LIMS1: variants seen among roughly 807,000 people sequenced by gnomAD.
The protein encoded by LIMS1 is LIM and senescent cell antigen-like-containing domain protein 1.
Under a neutral mutation model 44.1 loss-of-function variants are expected in LIMS1, and 18 were observed. The ratio of observed to expected loss-of-function variants is 0.41; its 90% CI spans 0.28 to 0.61. LIMS1 has a LOEUF of 0.61. LIMS1 is among the 20% of genes least tolerant of loss of function. LIMS1 has a pLI of 0.32. For missense variants in LIMS1, 201 were observed against 422.0 expected, an observed-to-expected ratio of 0.48 and a Z score of 4.59; for synonymous variants, 93 against 149.1, an observed-to-expected ratio of 0.62 and a Z score of 2.74.
chr2:108,656,317 C>CGA (rs1558831210), intron 1 of LIMS1, among the ~76,000 whole-genome samples: 3,729 of 139,836 alleles, frequency 0.027, 66 homozygotes, highest in African/African-American at 0.047. Context: ...ATCTATCTAT[C>CGA]TATAGATAGA....
At position 108,534,599 on chromosome 2, in the gene LIMS1, G is replaced by T. The variant is rs1366764523; in HGVS notation, c.32+5G>T. 22 of 1,139,984 alleles carry T rather than the reference G, an allele frequency of 1.9e-5. No homozygotes were observed. Among genetic ancestry groups the T allele is most frequent in the Non-Finnish European group, 2.4e-5 (22 of 923,408 alleles). 70.6% of individuals were successfully genotyped at this position (1,139,984 alleles called of 1,614,324 possible). A position where few individuals can be genotyped will look rare whatever the true frequency, so the allele number is the denominator to read the frequency against. On this transcript the variant is annotated splice_donor_5th_base_variant and intron_variant, in intron 1 of 9. Transcript: ENST00000544547. ...GGCGGCCGGGATGACCCACAGGTAC[G>T]GGCCGCACCGCGCGGCCCCCGCCAC...
intron 1 of LIMS1, among the ~76,000 whole-genome samples, chr2:108,623,791 G>T (rs1688401134): frequency 6.6e-6 from 1 of 152,158 alleles, no homozygotes; most frequent in African/African-American, 2.4e-5. Context: ...TCTTACGTTT[G>T]TGGACTCTTA....
intron 1 of LIMS1, among the ~76,000 whole-genome samples, chr2:108,622,298 A>G (rs1052205986): frequency 6.6e-6 from 1 of 152,200 alleles, no homozygotes; most frequent in Non-Finnish European, 1.5e-5. Context: ...AAGGCTATCT[A>G]TACTTTGTGT....
chr2:108,603,299 T>C (rs893058799), intron 1 of LIMS1, among the ~76,000 whole-genome samples: 3 of 152,126 alleles, frequency 2.0e-5, no homozygotes, highest in African/African-American at 7.2e-5. Flanking sequence ...TTATTATGGC[T>C]TTGATCTCGT....
At chr2:108,665,655 T>C (rs1481072858) in intron 2 of LIMS1, among the ~76,000 whole-genome samples, 1 of 152,100 alleles carries the variant, frequency 6.6e-6, no homozygotes, top group Non-Finnish European at 1.5e-5. Context: ...GCCTCCTCAG[T>C]AGCTAGGAAT....
At chr2:108,638,334 T>C (rs1220153685) in intron 1 of LIMS1, among the ~76,000 whole-genome samples, 1 of 152,228 alleles carries the variant, frequency 6.6e-6, no homozygotes, top group East Asian at 1.9e-4. Flanking sequence ...GGGACGCAGC[T>C]CACCAGGGCT....
chr2:108,595,636 G>T (rs1686643351), intron 1 of LIMS1, among the ~76,000 whole-genome samples: 1 of 151,916 alleles, frequency 6.6e-6, no homozygotes, highest in South Asian at 2.1e-4. Flanking sequence ...TGTTGTTGTT[G>T]TTGTTCTGTA....
At chr2:108,536,884 CCTGT>C (rs201501028) in intron 1 of LIMS1, among the ~76,000 whole-genome samples, 134 of 152,308 alleles carry the variant, frequency 8.8e-4, no homozygotes, top group Non-Finnish European at 1.2e-3. Flanking sequence ...CTGTGCTCAG[CCTGT>C]CTAAGTTTTA....
At chr2:108,547,353 A>G (rs1273892402) in intron 1 of LIMS1, among the ~76,000 whole-genome samples, 3 of 152,164 alleles carry the variant, frequency 2.0e-5, no homozygotes, top group Non-Finnish European at 4.4e-5. Context: ...AACCCTTAGA[A>G]CATGATGCTT....
chr2:108,587,065 G>T (rs563062524), intron 1 of LIMS1, among the ~76,000 whole-genome samples: 3 of 152,196 alleles, frequency 2.0e-5, no homozygotes, highest in Admixed American at 6.5e-5. Flanking sequence ...AAGCCTGTGA[G>T]GTTCCCCCAG....
chr2:108,574,364 G>T (rs527511627), intron 1 of LIMS1, among the ~76,000 whole-genome samples: 52 of 152,286 alleles, frequency 3.4e-4, no homozygotes, highest in Middle Eastern at 3.4e-3. Context: ...GAATGACCTG[G>T]TGCTTAGAGA....
At chr2:108,667,750 C>T (rs1257636610) in intron 2 of LIMS1, among the ~76,000 whole-genome samples, 1 of 151,714 alleles carries the variant, frequency 6.6e-6, no homozygotes, top group Non-Finnish European at 1.5e-5. Context: ...CCACCTCACC[C>T]TCAGAGCTTA....
chr2:108,686,889 G>A (rs1186362838), exon 10 of LIMS1: 2 of 152,054 alleles, frequency 1.3e-5, no homozygotes, highest in Non-Finnish European at 2.9e-5. Context: ...GCATCTCTTT[G>A]TTTAAAGTCC....
At chr2:108,544,397 A>C (rs1022345617) in intron 1 of LIMS1, among the ~76,000 whole-genome samples, 9 of 152,340 alleles carry the variant, frequency 5.9e-5, no homozygotes, top group African/African-American at 2.2e-4. Flanking sequence ...CATGAAATCT[A>C]TGCTTTTTAA....
chr2:108,630,942 G>C (rs1346187081), intron 1 of LIMS1, among the ~76,000 whole-genome samples: 1 of 152,192 alleles, frequency 6.6e-6, no homozygotes, highest in Non-Finnish European at 1.5e-5. Flanking sequence ...GGTAATGTAG[G>C]GGTAAAAGAT....
chr2:108,599,682 G>GT (rs1686897127), intron 1 of LIMS1, among the ~76,000 whole-genome samples: 1 of 152,056 alleles, frequency 6.6e-6, no homozygotes, highest in Non-Finnish European at 1.5e-5. Flanking sequence ...ATCCTCACCA[G>GT]TATTTGTTAT....
intron 1 of LIMS1, among the ~76,000 whole-genome samples, chr2:108,551,532 C>G (rs1163963445): frequency 7.2e-6 from 1 of 138,008 alleles, no homozygotes; most frequent in Non-Finnish European, 1.6e-5. Context: ...CACACACACA[C>G]GAGACCTCTG....
chr2:108,561,471 A>ATG (rs146926673), intron 1 of LIMS1, among the ~76,000 whole-genome samples: 3 of 151,954 alleles, frequency 2.0e-5, no homozygotes, highest in Admixed American at 6.6e-5. Context: ...AATGCAGTGT[A>ATG]TGTGTGTGTG....
At chr2:108,666,612 G>C (rs373416655) in intron 2 of LIMS1, among the ~76,000 whole-genome samples, 2,733 of 122,836 alleles carry the variant, frequency 0.022, 85 homozygotes, top group South Asian at 0.12. Flanking sequence ...GGACAACATA[G>C]TGAGATCCTG....
Sources: gnomAD v4.1 joint callset for allele counts (sites outside exome capture counted in the v4.1 genomes callset) on GRCh38, gnomAD v4.1.1 for gene constraint, MANE v1.5 for transcripts, NCBI Gene and HGNC (gene_info 2026-07-23, HGNC 2026-07-21) for gene names.